DNER: variants seen among roughly 807,000 people sequenced by gnomAD.
The protein encoded by DNER is delta and Notch-like epidermal growth factor-related receptor.
A neutral mutation model predicts 78.2 loss-of-function variants in DNER; 33 were observed. The ratio of observed to expected loss-of-function variants is 0.42; its 90% CI spans 0.32 to 0.56. The LOEUF (loss-of-function observed/expected upper bound fraction) is 0.56. DNER is among the 20% of genes least tolerant of loss of function. The pLI is 0.11. For missense variants in DNER, 918 were observed against 975.3 expected (o/e 0.94, Z 0.78); for synonymous variants, 417 against 384.8 (o/e 1.08, Z -0.98).
chr2:229,429,216 C>T (rs556780541), intron 8 of DNER, among the ~76,000 whole-genome samples: 2 of 152,206 alleles, frequency 1.3e-5, no homozygotes, highest in Non-Finnish European at 2.9e-5. Flanking sequence ...TTCTTGCTTC[C>T]CTTATTAAAA....
chr2:229,483,817 C>T (rs1345934151), intron 6 of DNER, among the ~76,000 whole-genome samples: 2 of 152,014 alleles, frequency 1.3e-5, no homozygotes, highest in African/African-American at 4.8e-5. Context: ...GGCTTTTTGC[C>T]CTTGTTTATT....
intron 4 of DNER, among the ~76,000 whole-genome samples, chr2:229,555,837 G>A (rs1696845766): frequency 6.6e-6 from 1 of 151,748 alleles, no homozygotes; most frequent in Admixed American, 6.6e-5. Context: ...GTAGAGAAAT[G>A]GAGCCTGCTA....
At chr2:229,462,408 T>C (rs1261055261) in intron 7 of DNER, among the ~76,000 whole-genome samples, 1 of 152,102 alleles carries the variant, frequency 6.6e-6, no homozygotes, top group Non-Finnish European at 1.5e-5. Flanking sequence ...CAACTCAGCA[T>C]TCCATTGCCT....
At chr2:229,381,616 G>C (rs1390417216) in intron 11 of DNER, among the ~76,000 whole-genome samples, 1 of 152,098 alleles carries the variant, frequency 6.6e-6, no homozygotes, top group Non-Finnish European at 1.5e-5. Flanking sequence ...CATTACTGAG[G>C]CTTGAGTAGG....
intron 11 of DNER, among the ~76,000 whole-genome samples, chr2:229,371,644 T>A (rs565935993): frequency 6.6e-6 from 1 of 152,196 alleles, no homozygotes; most frequent in South Asian, 2.1e-4. Flanking sequence ...AGGCAGACAG[T>A]CAGTGGCCAA....
At position 229,591,465 on chromosome 2, in the gene DNER, CT is replaced by C. The variant is rs1458239727; in HGVS notation, c.585+114del. On this transcript the variant is annotated intron_variant, in intron 2 of 12. Coordinates refer to ENST00000341772, the MANE Select transcript of DNER (RefSeq NM_139072.4). This position sits in a 1 kb window ranked among gnomAD's most constrained non-coding sequence, Gnocchi z 4.6. ...GGAATAAGTTTAGGGAGATATTTTGCTTCGTGATTTAACTTAAAATGCTTTC... is the reference window on the plus strand; with the variant it reads ...GGAATAAGTTTAGGGAGATATTTTGCTCGTGATTTAACTTAAAATGCTTTC... The C allele has an allele frequency of 6.2e-6, 8 of 1,283,904 alleles. No homozygotes were observed. The highest frequency in any genetic ancestry group is 8.4e-6 in the Non-Finnish European group (8 of 951,082). 79.5% of individuals were successfully genotyped at this position (1,283,904 alleles called of 1,614,324 possible). A position where few individuals can be genotyped will look rare whatever the true frequency, so the allele number is the denominator to read the frequency against.
chr2:229,388,144 C>T lies in DNER; in HGVS notation c.1855+121G>A, dbSNP rs542792046. ...CCGGTTGTCCCTCTGGGACTCACTG[C>T]CTCATCTGCCAGTGACTCGGGGGCT... On this transcript the variant is annotated intron_variant, in intron 11 of 12. Coordinates refer to ENST00000341772, the MANE Select transcript of DNER (RefSeq NM_139072.4). The T allele has an allele frequency of 9.4e-6, 13 of 1,387,314 alleles. No homozygotes were observed. In the East Asian group the frequency reaches 2.8e-4, roughly 30 times the overall value. 85.9% of individuals were successfully genotyped at this position (1,387,314 alleles called of 1,614,324 possible).
chr2:229,400,300 A>G (rs950586170), intron 10 of DNER, among the ~76,000 whole-genome samples: 2 of 152,094 alleles, frequency 1.3e-5, no homozygotes, highest in Admixed American at 6.6e-5. Context: ...GCACATGTCC[A>G]TGGGTTAGTA....
At chr2:229,552,403 T>C (rs1696763059) in intron 4 of DNER, among the ~76,000 whole-genome samples, 1 of 152,138 alleles carries the variant, frequency 6.6e-6, no homozygotes, top group South Asian at 2.1e-4. Context: ...GCTGCTATGG[T>C]TTGGCTGTGT....
chr2:229,591,945 G>A lies in DNER; in HGVS notation c.277-57C>T, dbSNP rs116275333. ...CCCTCATAAGAAAAGTGGTGCCATC[G>A]CTGGGAAATTAGCTCTGTGTCTCAG... On this transcript the variant is annotated intron_variant, in intron 1 of 12. Transcript: ENST00000341772. This position sits in a 1 kb window ranked among gnomAD's most constrained non-coding sequence, Gnocchi z 4.6. 1.1e-3 allele frequency: 1,555 copies of A among 1,450,284 alleles called. 12 individuals carry two copies. The African/African-American group carries it at 0.019, about 18-fold the overall frequency. 89.8% of individuals were successfully genotyped at this position (1,450,284 alleles called of 1,614,324 possible). A position where few individuals can be genotyped will look rare whatever the true frequency, so the allele number is the denominator to read the frequency against.
chr2:229,525,536 AG>A (rs1696191391), intron 5 of DNER, among the ~76,000 whole-genome samples: 1 of 152,214 alleles, frequency 6.6e-6, no homozygotes, highest in Non-Finnish European at 1.5e-5. Flanking sequence ...CTAAAAAAAA[AG>A]TTCTTCAGTA....
chr2:229,494,494 C>T (rs937148332), intron 6 of DNER, among the ~76,000 whole-genome samples: 7 of 152,228 alleles, frequency 4.6e-5, no homozygotes, highest in East Asian at 1.9e-4. Context: ...TCCATCAGAA[C>T]GTAACAGCTC....
rs568968684 is a variant in DNER at position 229,703,337 on chromosome 2, T to C, written c.276+10811A>G. On this transcript the variant is annotated intron_variant, in intron 1 of 12. Coordinates refer to ENST00000341772, the MANE Select transcript of DNER (RefSeq NM_139072.4). ...AATGTTTCTGAAACTATTAGACATT[T>C]GTAAGCAAAAAAAAAGAACGAAAAC... Among the ~76,000 whole-genome samples, 162 of 152,172 alleles carry C rather than the reference T, an allele frequency of 1.1e-3. 1 individual carries two copies. Among genetic ancestry groups the C allele is most frequent in the Middle Eastern group, 6.8e-3 (2 of 294 alleles).
At chr2:229,479,189 C>T (rs770152218) in intron 6 of DNER, among the ~76,000 whole-genome samples, 1 of 152,148 alleles carries the variant, frequency 6.6e-6, no homozygotes, top group Non-Finnish European at 1.5e-5. Context: ...AGAACCACCC[C>T]ATTTAACAAA....
Position 229,366,854 on chromosome 2 carries a change from C to T in DNER, c.2102+19G>A, listed in dbSNP as rs112975208. On this transcript the variant is annotated intron_variant, in intron 12 of 12. Transcript: ENST00000341772. ...GCACATGTGAAGGCAGCATTCCCCA[C>T]GCCGCCCCCACAGCCAACCTGGCAT... The T allele has an allele frequency of 9.4e-4, 1,523 of 1,613,462 alleles. 13 individuals carry two copies. The African/African-American group carries it at 0.017, about 18-fold the overall frequency.
intron 1 of DNER, among the ~76,000 whole-genome samples, chr2:229,625,143 C>A (rs189310508): frequency 1.3e-5 from 2 of 152,174 alleles, no homozygotes; most frequent in African/African-American, 4.8e-5. Flanking sequence ...ATAGAAATTG[C>A]GATCAAATCA....
At chr2:229,396,168 T>C (rs73098302) in intron 10 of DNER, among the ~76,000 whole-genome samples, 5,090 of 152,300 alleles carry the variant, frequency 0.033, 136 homozygotes, top group African/African-American at 0.073. Context: ...CTATATTTTA[T>C]ATGTGTCATG....
intron 6 of DNER, among the ~76,000 whole-genome samples, chr2:229,488,873 C>CACA (rs35662592): frequency 0.12 from 18,988 of 152,226 alleles, 1,319 homozygotes; most frequent in South Asian, 0.2. Flanking sequence ...GCTTGACAAT[C>CACA]ACAACAATAT....
At chr2:229,418,039 A>G in intron 9 of DNER, 69 bp downstream of exon 9, 1 of 1,611,206 alleles carries the variant, frequency 6.2e-7, no homozygotes, top group Non-Finnish European at 8.5e-7. Flanking sequence ...AGGTTTATGC[A>G]TTTACACTGA....
Sources: gnomAD v4.1 joint callset for allele counts (sites outside exome capture counted in the v4.1 genomes callset) on GRCh38, gnomAD v4.1.1 for gene constraint, Gnocchi (gnomAD v3.1) non-coding constraint, MANE v1.5 for transcripts, NCBI Gene and HGNC (gene_info 2026-07-23, HGNC 2026-07-21) for gene names.